Variants in KY observed in about 807,000 individuals in gnomAD.
The protein encoded by KY is kyphoscoliosis peptidase.
A neutral mutation model predicts 76.1 loss-of-function variants in KY; 43 were observed. The ratio of observed to expected loss-of-function variants is 0.57; its 90% CI spans 0.44 to 0.73. KY has a LOEUF of 0.73. Among genes scored for constraint, KY ranks in the 30% least tolerant of loss-of-function variants. The pLI is 0.00. For synonymous variants in KY, 277 were observed against 326.2 expected (o/e 0.85, Z 1.63); for missense variants, 722 against 828.9 (o/e 0.87, Z 1.58).
chr3:134,602,667 G>T lies in KY; in HGVS notation c.*912C>A, dbSNP rs1959019765. 6.6e-6 allele frequency among the ~76,000 whole-genome samples: 1 copy of T among 152,138 alleles called. No individual in the cohort carries two copies. ...CCAAGGGCCTGGCCAGCCTCTGGAG[G>T]CTCTCTGTGGAGGTGGGGCAGGGGC... On this transcript the variant is annotated 3_prime_UTR_variant, in exon 11 of 11. Coordinates refer to ENST00000423778, the MANE Select transcript of KY (RefSeq NM_178554.6).
chr3:134,614,721 AT>A (rs1312749917), intron 8 of KY, among the ~76,000 whole-genome samples: 1 of 152,106 alleles, frequency 6.6e-6, no homozygotes, highest in Non-Finnish European at 1.5e-5. Context: ...TAGTGTATTA[AT>A]TTGGTATTAT....
chr3:134,637,862 C>A (rs948691146), intron 3 of KY, among the ~76,000 whole-genome samples: 1 of 152,188 alleles, frequency 6.6e-6, no homozygotes, highest in African/African-American at 2.4e-5. Flanking sequence ...CTGTTAAAGC[C>A]CCTCCAGGGC....
At chr3:134,626,871 C>T (rs535966166) in intron 5 of KY, among the ~76,000 whole-genome samples, 3 of 152,186 alleles carry the variant, frequency 2.0e-5, no homozygotes, top group Admixed American at 6.5e-5. Context: ...CCCTGCTGAG[C>T]CTTGCCTCTT....
intron 8 of KY, among the ~76,000 whole-genome samples, chr3:134,617,499 A>G (rs528444788): frequency 6.6e-6 from 1 of 152,344 alleles, no homozygotes; most frequent in South Asian, 2.1e-4. Flanking sequence ...TATGACAACA[A>G]CCGAGCACAG....
chr3:134,626,754 T>A (rs1963507906), intron 5 of KY, among the ~76,000 whole-genome samples: 2 of 152,178 alleles, frequency 1.3e-5, no homozygotes, highest in African/African-American at 4.8e-5. Context: ...AGCTGACCAA[T>A]ATTTGGGCCC....
intron 3 of KY, among the ~76,000 whole-genome samples, chr3:134,634,298 T>C (rs184711422): frequency 6.6e-6 from 1 of 151,806 alleles, no homozygotes; most frequent in Admixed American, 6.6e-5. Context: ...ATAACTAAAC[T>C]AATTTTGAAA....
At chr3:134,607,313 G>A in intron 10 of KY, 2 of 985,496 alleles carry the variant, frequency 2.0e-6, no homozygotes, top group Non-Finnish European at 1.2e-6. Flanking sequence ...AAGTCATTGT[G>A]TGGTGGAAGG....
In KY at chr3:134,650,878, C is replaced by A. The variant is rs1391268181; in HGVS notation, c.83G>T (p.Gly28Val). 6 of 1,612,678 alleles carry A rather than the reference C, an allele frequency of 3.7e-6. No homozygotes were observed. Among genetic ancestry groups the A allele is most frequent in the African/African-American group, 1.3e-5 (1 of 74,878 alleles). Residue 28 changes from glycine to valine, a missense_variant, in exon 1 of 11, where the codon GGT (glycine) becomes GTT (valine). Physicochemically the swap from Gly to Val is moderately radical, Grantham distance 109 (BLOSUM62 -3). This residue lies in a region of KY where 170 missense variants were observed against 148.1 expected (regional missense o/e 1.15). Transcript: ENST00000423778. ...GTTCGCCTGCTGGTCTGAGAGCGTA[C>A]CCTGTGCGGCGCGCCGCTTCTCCGA... Reference protein sequence around the residue: ...VHSEKRRAAQGTLSDQQANPS... With the variant: ...VHSEKRRAAQVTLSDQQANPS...
chr3:134,640,518 A>C lies in KY; in HGVS notation c.262+2798T>G, dbSNP rs144483135. Reference sequence around the variant, plus strand: ...ACACCAAGTGTCCCACCTCTGGTCAACGCTATTACTGTGATAGAGCTTCCA... The same window carrying C: ...ACACCAAGTGTCCCACCTCTGGTCACCGCTATTACTGTGATAGAGCTTCCA... On this transcript the variant is annotated intron_variant, in intron 3 of 10. Transcript: ENST00000423778. Among the ~76,000 whole-genome samples the C allele has an allele frequency of 3.0e-4, 45 of 152,224 alleles. 1 individual carries two copies. Among genetic ancestry groups the C allele is most frequent in the African/African-American group, 1.1e-3 (44 of 41,542 alleles).
chr3:134,626,231 C>A (rs1469317316), intron 5 of KY, among the ~76,000 whole-genome samples: 1 of 152,200 alleles, frequency 6.6e-6, no homozygotes, highest in African/African-American at 2.4e-5. Flanking sequence ...ATGTCGGGAG[C>A]CTCTGGGTGC....
At position 134,605,761 on chromosome 3, in the gene KY, C is replaced by T. The variant is rs568177749; in HGVS notation, c.1091-1287G>A. ...CCACCCTCCAGTGACTTCCTAATAA[C>T]GAGGCCTCTCAGACCTTGGAGGACC... On this transcript the variant is annotated intron_variant, in intron 10 of 10. Coordinates refer to ENST00000423778, the MANE Select transcript of KY (RefSeq NM_178554.6). Among the ~76,000 whole-genome samples the T allele has an allele frequency of 8.6e-5, 13 of 152,010 alleles. No individual in the cohort carries two copies. The South Asian group carries it at 1.9e-3, about 22-fold the overall frequency.
At position 134,619,249 on chromosome 3, in the gene KY, A is replaced by C. The variant is rs752961694; in HGVS notation, c.609T>G (p.Ala203=). ...AGGCTTGGCGGTCCTTCTCCTGAGC[A>C]GCTGCAATGTCATACTCTATAGGGC... ...ICHHIEYDIA[A]AQEKDRQAFK... The change falls in exon 8 of 11, where the codon GCT becomes GCG. Residue 203 remains alanine (A), a synonymous_variant. Coordinates refer to ENST00000423778, the MANE Select transcript of KY (RefSeq NM_178554.6). 1.9e-6 allele frequency: 3 copies of C among 1,613,796 alleles called. No homozygotes were observed. The highest frequency in any genetic ancestry group is 2.5e-6 in the Non-Finnish European group (3 of 1,179,804).
chr3:134,634,479 C>T (rs1964655265), intron 3 of KY, among the ~76,000 whole-genome samples: 1 of 151,992 alleles, frequency 6.6e-6, no homozygotes, highest in African/African-American at 2.4e-5. Flanking sequence ...AGTGCAAAGA[C>T]AATTCAGTTG....
intron 3 of KY, among the ~76,000 whole-genome samples, chr3:134,638,554 C>T (rs757581385): frequency 5.3e-5 from 8 of 152,188 alleles, no homozygotes; most frequent in Non-Finnish European, 1.0e-4. Flanking sequence ...CAGCTTTGAC[C>T]GTCTTAGTTA....
chr3:134,608,713 G>A lies in KY; in HGVS notation c.1026C>T (p.His342=), dbSNP rs1335197189. 1 of 1,613,924 alleles carries A rather than the reference G, an allele frequency of 6.2e-7. No homozygotes were observed. The highest frequency in any genetic ancestry group is 1.3e-5 in the African/African-American group (1 of 74,946). The change falls in exon 10 of 11, where the codon CAC becomes CAT. Residue 342 remains histidine, a synonymous_variant. Transcript: ENST00000423778. ...SLRQFENNMY[H]KSEFYNKGML... ...TCCCTTTGTTGTAGAATTCACTCTT[G>A]TGATACATGTTGTTCTCAAACTGCC...
chr3:134,610,374 T>C lies in KY; in HGVS notation c.720A>G (p.Gly240=). The C allele has an allele frequency of 6.2e-7, 1 of 1,611,144 alleles. No individual in the cohort carries two copies. The highest frequency in any genetic ancestry group is 1.1e-5 in the South Asian group (1 of 90,926). ...GLFERMCRLA[G]VQCMTVPGYS... ...AGCCAGGCACGGTCATACACTGCACTCCGGCGAGCCTGGGGGCAGGACAGG... is the reference window on the plus strand; with the variant it reads ...AGCCAGGCACGGTCATACACTGCACCCCGGCGAGCCTGGGGGCAGGACAGG... Residue 240 remains glycine, a synonymous_variant, in exon 9 of 11, where the codon GGA becomes GGG. Coordinates refer to ENST00000423778, the MANE Select transcript of KY (RefSeq NM_178554.6).
intron 9 of KY, among the ~76,000 whole-genome samples, chr3:134,609,448 G>A (rs934105982): frequency 1.3e-5 from 2 of 152,148 alleles, no homozygotes; most frequent in African/African-American, 2.4e-5. Flanking sequence ...CGTGTAGGAT[G>A]TGTGTGCACA....
At chr3:134,610,476 C>G in intron 8 of KY, 93 bp from the exon 9 acceptor site, 2 of 1,054,012 alleles carry the variant, frequency 1.9e-6, no homozygotes, top group Non-Finnish European at 1.4e-6. Context: ...TGTTTGCTGC[C>G]CATCAGTCCT....
intron 8 of KY, among the ~76,000 whole-genome samples, chr3:134,618,365 T>C (rs1007772513): frequency 3.9e-5 from 6 of 152,120 alleles, no homozygotes; most frequent in Non-Finnish European, 7.4e-5. Context: ...TCTGGGTGCC[T>C]AAGAAGACTC....
Sources: gnomAD v4.1 joint callset for allele counts (sites outside exome capture counted in the v4.1 genomes callset) on GRCh38, gnomAD v4.1.1 for gene constraint, gnomAD v4.1.1 regional missense constraint, MANE v1.5 for transcripts, NCBI Gene and HGNC (gene_info 2026-07-23, HGNC 2026-07-21) for gene names.